Variants in PARP12 observed in about 807,000 individuals in gnomAD.
PARP12 encodes the protein poly(ADP-ribose) polymerase family member 12, also known as protein mono-ADP-ribosyltransferase PARP12.
PARP12 carries 59 observed loss-of-function variants against 72.4 expected under a neutral mutation model. The ratio of observed to expected loss-of-function variants is 0.81; its 90% CI spans 0.66 to 1.01. The LOEUF (loss-of-function observed/expected upper bound fraction) is 1.01. Ranked by LOEUF, PARP12 falls within the 50% of genes least tolerant of loss-of-function variation. The pLI is 0.00. For missense variants in PARP12, 851 were observed against 914.0 expected (o/e 0.93, Z 0.89); for synonymous variants, 403 against 371.4 (o/e 1.09, Z -0.98).
intron 4 of PARP12, among the ~76,000 whole-genome samples, chr7:140,050,043 T>TAA (rs1438808757): frequency 6.6e-6 from 1 of 151,632 alleles, no homozygotes; most frequent in African/African-American, 2.4e-5. Context: ...GAGAGAATAA[T>TAA]AAATCCAAAA....
At position 140,056,846 on chromosome 7, in the gene PARP12, C is replaced by A; in HGVS notation, c.760+10G>T. On this transcript the variant is annotated intron_variant, in intron 3 of 11. Coordinates refer to ENST00000263549, the MANE Select transcript of PARP12 (RefSeq NM_022750.4). The stretch of plus-strand genomic sequence containing the variant: ...TCCCCACCAGCCTTACCACTCCCCA[C>A]CAGCCTTACCAGAAGTCCCCTGTGG... 1 of 1,591,424 alleles carries A rather than the reference C, an allele frequency of 6.3e-7. No homozygotes were observed. The highest frequency in any genetic ancestry group is 8.6e-7 in the Non-Finnish European group (1 of 1,169,312).
At chr7:140,040,581 A>C (rs1816421277) in intron 6 of PARP12, among the ~76,000 whole-genome samples, 2 of 152,322 alleles carry the variant, frequency 1.3e-5, no homozygotes, top group South Asian at 4.1e-4. Flanking sequence ...GATGGGGCAA[A>C]AGAAAAGACA....
At position 140,061,452 on chromosome 7, in the gene PARP12, T is replaced by TAC. The variant is rs143130780; in HGVS notation, c.326+1068_326+1069dup. On this transcript the variant is annotated intron_variant, in intron 1 of 11. Coordinates refer to ENST00000263549, the MANE Select transcript of PARP12 (RefSeq NM_022750.4). ...AATATCTACTCTATTAAGACAAACA[T>TAC]ACACACACACACACAAAACAGGGAG... Among the ~76,000 whole-genome samples the TAC allele has an allele frequency of 4.9e-3, 747 of 151,372 alleles. 4 individuals are homozygous for TAC. Among genetic ancestry groups the TAC allele is most frequent in the African/African-American group, 0.016 (667 of 41,192 alleles).
rs1815732510 is a variant in PARP12, at chr7:140,026,246, C to T, written c.1731G>A (p.Gln577=). 1 of 1,614,212 alleles carries T rather than the reference C, an allele frequency of 6.2e-7. No individual in the cohort carries two copies. The highest frequency in any genetic ancestry group is 8.5e-7 in the Non-Finnish European group (1 of 1,180,054). Residue 577 remains glutamine (Q), a synonymous_variant, in exon 11 of 12, where the codon CAG becomes CAA. Transcript: ENST00000263549. The stretch of plus-strand genomic sequence containing the variant: ...CACCACAGACCCGCCAGTCAAAGTT[C>T]TGCTGGCAGATGGCGTCCACAAAAA... ...SAIFVDAICQ[Q]NFDWRVCGVH... is the part of the protein sequence containing the mutation.
chr7:140,051,044 T>C (rs1213238321), intron 4 of PARP12, among the ~76,000 whole-genome samples: 1 of 152,142 alleles, frequency 6.6e-6, no homozygotes, highest in Non-Finnish European at 1.5e-5. Context: ...CCTTCATCTG[T>C]AGTCATCAGG....
chr7:140,057,424 C>A (rs1357510700), intron 2 of PARP12: 3 of 501,400 alleles, frequency 6.0e-6, no homozygotes, highest in African/African-American at 3.9e-5. Context: ...CTGCTCCTTT[C>A]ACATGAGACA....
At chr7:140,029,262 T>C (rs1435139325) in intron 8 of PARP12, 1 of 152,268 alleles carries the variant, frequency 6.6e-6, no homozygotes, top group African/African-American at 2.4e-5. Context: ...AATATTAATG[T>C]GCTAAAATAC....
intron 4 of PARP12, among the ~76,000 whole-genome samples, chr7:140,048,627 A>G (rs1050658738): frequency 6.6e-6 from 1 of 152,240 alleles, no homozygotes; most frequent in African/African-American, 2.4e-5. Context: ...TTCTAACTAA[A>G]CACACACACA....
At chr7:140,056,450 A>C (rs902587202) in intron 3 of PARP12, among the ~76,000 whole-genome samples, 2 of 152,118 alleles carry the variant, frequency 1.3e-5, no homozygotes, top group Admixed American at 6.5e-5. Context: ...ATCAGAATAC[A>C]ACACAAGGAA....
In PARP12 at chr7:140,025,794, C is replaced by T. The variant is rs184274361; in HGVS notation, c.1780+403G>A. On this transcript the variant is annotated intron_variant, in intron 11 of 11. Transcript: ENST00000263549. ...GACAAGAAAACACTCAGATAACTCA[C>T]GTGATAGCTAGAATACATGTTTACA... Among the ~76,000 whole-genome samples, 311 of 152,288 alleles carry T rather than the reference C, an allele frequency of 2.0e-3. 4 individuals carry two copies. The highest frequency in any genetic ancestry group is 0.015 in the South Asian group (73 of 4,826).
At chr7:140,057,728 C>T in intron 2 of PARP12, 171 bp downstream of exon 2, 4 of 890,686 alleles carry the variant, frequency 4.5e-6, no homozygotes, top group Non-Finnish European at 6.6e-6. Context: ...GTTGGCAAAG[C>T]TGGCCCTTGA....
In PARP12 at chr7:140,023,943, A is replaced by G. The variant is rs898372272; in HGVS notation, c.*617T>C. The G allele has an allele frequency of 6.3e-6, 1 of 159,112 alleles. No individual in the cohort carries two copies. Among genetic ancestry groups the G allele is most frequent in the Non-Finnish European group, 1.4e-5 (1 of 71,440 alleles). 9.9% of individuals were successfully genotyped at this position (159,112 alleles called of 1,614,324 possible). The stretch of plus-strand genomic sequence containing the variant: ...TCCAGGTCACCTGCCAGGTGGATGC[A>G]CTTCCTTGGGCAATGGGTGACCCTC... On this transcript the variant is annotated 3_prime_UTR_variant, in exon 12 of 12. Coordinates refer to ENST00000263549, the MANE Select transcript of PARP12 (RefSeq NM_022750.4).
chr7:140,030,903 C>T (rs1236101290), intron 8 of PARP12, among the ~76,000 whole-genome samples: 1 of 152,040 alleles, frequency 6.6e-6, no homozygotes, highest in African/African-American at 2.4e-5. Context: ...TTGGACACCC[C>T]TGATCTAAGG....
rs550120562 is a variant in PARP12, at chr7:140,046,850, G to A, written c.986+34C>T. The A allele has an allele frequency of 1.6e-4, 239 of 1,514,448 alleles. No homozygotes were observed. In the Middle Eastern group the frequency reaches 1.9e-3, roughly 12 times the overall value. 93.8% of individuals were successfully genotyped at this position (1,514,448 alleles called of 1,614,324 possible). A position where few individuals can be genotyped will look rare whatever the true frequency, so the allele number is the denominator to read the frequency against. ...TGTGTGTGTCACACACAGAAGCCCA[G>A]GCACAAAGCAGAGACAAGGGACATA... On this transcript the variant is annotated intron_variant, in intron 5 of 11. Coordinates refer to ENST00000263549, the MANE Select transcript of PARP12 (RefSeq NM_022750.4).
chr7:140,043,123 G>A (rs1348769982), intron 5 of PARP12, among the ~76,000 whole-genome samples: 1 of 152,202 alleles, frequency 6.6e-6, no homozygotes, highest in Non-Finnish European at 1.5e-5. Flanking sequence ...GAACCCAGGA[G>A]GCGGAGCTTG....
intron 11 of PARP12, among the ~76,000 whole-genome samples, chr7:140,025,821 G>A (rs1010815119): frequency 3.3e-5 from 5 of 152,230 alleles, no homozygotes; most frequent in Non-Finnish European, 7.3e-5. Flanking sequence ...ATGTTTACAT[G>A]AGTATCTCTG....
chr7:140,037,425 G>T (rs960897866), intron 7 of PARP12, among the ~76,000 whole-genome samples: 6 of 152,240 alleles, frequency 3.9e-5, no homozygotes, highest in Non-Finnish European at 1.5e-5. Context: ...TTAGTCCTCG[G>T]ATACAGCAGG....
chr7:140,050,364 G>A (rs1182071847), intron 4 of PARP12, among the ~76,000 whole-genome samples: 1 of 152,174 alleles, frequency 6.6e-6, no homozygotes, highest in Admixed American at 6.5e-5. Flanking sequence ...TAAACTAAGT[G>A]TGAATATAAG....
chr7:140,026,297 C>T lies in PARP12; in HGVS notation c.1680G>A (p.Arg560=), dbSNP rs749347401. Residue 560 remains arginine (R), a synonymous_variant, in exon 11 of 12, where the codon CGG becomes CGA. Transcript: ENST00000263549. Reference sequence around the variant, plus strand: ...TGGCGCTGGTGCCGTGGAACAGCTGCCGCTCGTCCACGGCCTTCCCTCCGT... The same window carrying T: ...TGGCGCTGGTGCCGTGGAACAGCTGTCGCTCGTCCACGGCCTTCCCTCCGT... ...KQNGGKAVDE[R]QLFHGTSAIF... The T allele has an allele frequency of 3.1e-6, 5 of 1,613,340 alleles. No homozygotes were observed. The highest frequency in any genetic ancestry group is 4.2e-6 in the Non-Finnish European group (5 of 1,180,030).
Sources: allele counts gnomAD v4.1 joint callset (sites outside exome capture counted in the v4.1 genomes callset), GRCh38; gene constraint gnomAD v4.1.1; transcripts MANE v1.5; gene names NCBI Gene and HGNC (gene_info 2026-07-23, HGNC 2026-07-21).